CELF2: variants seen among roughly 807,000 people sequenced by gnomAD.
CELF2 encodes the protein CUG triplet repeat RNA-binding protein 2.
CELF2 carries 8 observed loss-of-function variants against 62.6 expected under a neutral mutation model. The observed-to-expected ratio is 0.13, with a 90% CI of 0.07 to 0.23. CELF2 has a LOEUF of 0.23. Ranked by LOEUF, CELF2 falls within the 10% of genes least tolerant of loss-of-function variation. CELF2 has a pLI of 1.00. For missense variants in CELF2, 333 were observed against 671.0 expected (o/e 0.50, Z 5.56); for synonymous variants, 258 against 250.0 (o/e 1.03, Z -0.30).
the CELF2 span, among the ~76,000 whole-genome samples, chr10:10,552,072 C>G: frequency 2.0e-5 from 3 of 152,206 alleles, no homozygotes; most frequent in East Asian, 1.9e-4. Context: ...AAACAAAAGA[C>G]GAGTGGGTGG....
intron 1 of CELF2, among the ~76,000 whole-genome samples, chr10:10,877,285 C>G (rs2061162203): frequency 6.6e-6 from 1 of 152,238 alleles, no homozygotes; most frequent in African/African-American, 2.4e-5. Flanking sequence ...CGTGACACAG[C>G]CTCAGGAGAT....
chr10:10,757,523 C>G, the CELF2 span, among the ~76,000 whole-genome samples: 1 of 152,122 alleles, frequency 6.6e-6, no homozygotes, highest in Non-Finnish European at 1.5e-5. Flanking sequence ...GACAATGACA[C>G]ACATGCACAC....
chr10:10,774,236 G>A, the CELF2 span, among the ~76,000 whole-genome samples: 1 of 152,208 alleles, frequency 6.6e-6, no homozygotes, highest in African/African-American at 2.4e-5. Flanking sequence ...ACTTCAAGGA[G>A]CCTTTGTGGA....
intron 2 of CELF2, among the ~76,000 whole-genome samples, chr10:10,959,564 C>A (rs2049266387): frequency 6.6e-6 from 1 of 152,192 alleles, no homozygotes; most frequent in Non-Finnish European, 1.5e-5. Flanking sequence ...GACTTGTCCA[C>A]CATGGAAAAC....
the CELF2 span, among the ~76,000 whole-genome samples, chr10:10,675,117 C>T: frequency 2.6e-5 from 4 of 152,074 alleles, no homozygotes; most frequent in Admixed American, 6.6e-5. Flanking sequence ...TTCTGACTTA[C>T]GTTATTTTAT....
intron 9 of CELF2, among the ~76,000 whole-genome samples, chr10:11,301,396 C>T (rs1205906203): frequency 1.3e-4 from 14 of 105,772 alleles, no homozygotes; most frequent in Middle Eastern, 4.6e-3. Flanking sequence ...CCCCTCCCCC[C>T]GCTTCCCCCC....
At chr10:10,540,710 G>A in the CELF2 span, among the ~76,000 whole-genome samples, 5 of 152,068 alleles carry the variant, frequency 3.3e-5, no homozygotes, top group Non-Finnish European at 5.9e-5. Flanking sequence ...GGAAAGGGAG[G>A]TCCCATCTAC....
the CELF2 span, among the ~76,000 whole-genome samples, chr10:10,631,423 G>A: frequency 1.3e-5 from 2 of 152,134 alleles, no homozygotes; most frequent in Non-Finnish European, 2.9e-5. Context: ...TTCTCTAGAG[G>A]TCATGACAGT....
chr10:11,042,657 A>G (rs963621762), intron 1 of CELF2, among the ~76,000 whole-genome samples: 1 of 152,142 alleles, frequency 6.6e-6, no homozygotes, highest in African/African-American at 2.4e-5. Context: ...ATCACCCAAA[A>G]AAGAAACCCC....
At chr10:10,773,120 G>A in the CELF2 span, among the ~76,000 whole-genome samples, 2 of 152,240 alleles carry the variant, frequency 1.3e-5, no homozygotes, top group East Asian at 1.9e-4. Flanking sequence ...ACATTATATA[G>A]GAAATCTCTT....
chr10:10,851,280 C>T (rs1487307452), intron 1 of CELF2, among the ~76,000 whole-genome samples: 1 of 152,076 alleles, frequency 6.6e-6, no homozygotes, highest in Admixed American at 6.6e-5. Flanking sequence ...GGCATTTATC[C>T]CAGAGAAATG....
In CELF2 at chr10:11,253,271, G is replaced by A. The variant is rs948013373; in HGVS notation, c.403+4070G>A. On this transcript the variant is annotated intron_variant, in intron 4 of 12. Coordinates refer to ENST00000633077, the MANE Select transcript of CELF2 (RefSeq NM_001326342.2). ...TCACAATTTGCTGGGGGTCTTTAAC[G>A]CCTAGAACCCAGAAATGTCACTTAA... Among the ~76,000 whole-genome samples, 5 of 152,248 alleles carry A rather than the reference G, an allele frequency of 3.3e-5. No individual in the cohort carries two copies. The East Asian group carries it at 5.8e-4, about 18-fold the overall frequency.
intron 1 of CELF2, among the ~76,000 whole-genome samples, chr10:11,162,074 T>C (rs2065851043): frequency 6.6e-6 from 1 of 152,162 alleles, no homozygotes; most frequent in Admixed American, 6.5e-5. Context: ...GCGGCAGTAC[T>C]GTGGGGATTC....
chr10:10,653,451 G>C, the CELF2 span, among the ~76,000 whole-genome samples: 25 of 146,580 alleles, frequency 1.7e-4, 1 homozygote, highest in South Asian at 2.0e-3. Flanking sequence ...TTCCAAAATT[G>C]ACCACATACT....
chr10:10,489,433 C>T, the CELF2 span, among the ~76,000 whole-genome samples: 1 of 152,098 alleles, frequency 6.6e-6, no homozygotes, highest in Non-Finnish European at 1.5e-5. Context: ...CCGTCTAGTA[C>T]TGATTGTTTT....
chr10:10,466,525 G>A, the CELF2 span, among the ~76,000 whole-genome samples: 170 of 152,200 alleles, frequency 1.1e-3, no homozygotes, highest in East Asian at 1.9e-3. Flanking sequence ...TCATGTGCAA[G>A]CCTTAATGTA....
At chr10:10,804,015 C>T (rs959324557) in intron 1 of CELF2, among the ~76,000 whole-genome samples, 1 of 152,200 alleles carries the variant, frequency 6.6e-6, no homozygotes, top group East Asian at 1.9e-4. Context: ...TTGAGTAATT[C>T]TATCTTCAGT....
At chr10:11,087,440 A>C (rs2047116839) in intron 1 of CELF2, among the ~76,000 whole-genome samples, 2 of 152,238 alleles carry the variant, frequency 1.3e-5, no homozygotes, top group Admixed American at 6.5e-5. Context: ...GTTCTAACTG[A>C]AATTGCCCAG....
intron 9 of CELF2, among the ~76,000 whole-genome samples, chr10:11,307,577 T>C (rs2094317965): frequency 6.6e-6 from 1 of 152,226 alleles, no homozygotes; most frequent in African/African-American, 2.4e-5. Context: ...ATTACATAGA[T>C]TATTTAATCT....
Sources: allele counts gnomAD v4.1 joint callset (sites outside exome capture counted in the v4.1 genomes callset), GRCh38; gene constraint gnomAD v4.1.1; transcripts MANE v1.5; gene names NCBI Gene and HGNC (gene_info 2026-07-23, HGNC 2026-07-21).